ELMO1: variants seen among roughly 807,000 people sequenced by gnomAD.
ELMO1 encodes engulfment and cell motility protein 1.
Under a neutral mutation model 98.9 loss-of-function variants are expected in ELMO1, and 26 were observed. The ratio of observed to expected loss-of-function variants is 0.26; its 90% confidence interval spans 0.19 to 0.36. The LOEUF (loss-of-function observed/expected upper bound fraction) is 0.36. ELMO1 is among the 10% of genes least tolerant of loss of function. The probability of loss-of-function intolerance (pLI) is 1.00; values close to 1 mark genes in which losing one functional copy is unlikely to be tolerated. For missense variants in ELMO1, 627 were observed against 935.2 expected, an observed-to-expected ratio of 0.67 and a Z score of 4.30; for synonymous variants, 346 against 346.0, an observed-to-expected ratio of 1.00 and a Z score of 0.00.
At chr7:36,952,962 CTCTTT>C (rs1207399353) in intron 16 of ELMO1, among the ~76,000 whole-genome samples, 2 of 136,994 alleles carry the variant, frequency 1.5e-5, no homozygotes, top group Non-Finnish European at 3.2e-5. Context: ...GAAGTCACTA[CTCTTT>C]TTTTTTTTTT....
chr7:37,043,321 C>T (rs574037812), intron 15 of ELMO1, among the ~76,000 whole-genome samples: 14 of 152,274 alleles, frequency 9.2e-5, no homozygotes, highest in African/African-American at 2.6e-4. Flanking sequence ...GTCCCTGTGC[C>T]CCAAGCATCT....
At chr7:37,144,168 C>T (rs529532748) in intron 13 of ELMO1, among the ~76,000 whole-genome samples, 428 of 28,730 alleles carry the variant, frequency 0.015, 2 homozygotes, top group African/African-American at 0.025. Flanking sequence ...TTTTCAATGA[C>T]GTGCCTAAAT....
intron 15 of ELMO1, among the ~76,000 whole-genome samples, chr7:37,044,017 G>T (rs1294911657): frequency 2.0e-5 from 3 of 152,178 alleles, no homozygotes; most frequent in South Asian, 2.1e-4. Context: ...CAACGAGGAG[G>T]AGGGTGAAGC....
intron 1 of ELMO1, among the ~76,000 whole-genome samples, chr7:37,355,069 C>A (rs114870636): frequency 3.3e-5 from 5 of 152,274 alleles, no homozygotes; most frequent in African/African-American, 9.6e-5. Context: ...CCGCCTCTCA[C>A]GGAATACCAT....
At chr7:37,067,410 C>T (rs1480453005) in intron 15 of ELMO1, among the ~76,000 whole-genome samples, 1 of 152,180 alleles carries the variant, frequency 6.6e-6, no homozygotes, top group African/African-American at 2.4e-5. Flanking sequence ...GTATGTGCAA[C>T]AAAGAGCGAC....
chr7:37,202,091 T>C (rs1792331496), intron 13 of ELMO1, among the ~76,000 whole-genome samples: 1 of 152,250 alleles, frequency 6.6e-6, no homozygotes, highest in Admixed American at 6.5e-5. Context: ...CCCCGGGACC[T>C]CCTGCATTCT....
chr7:37,422,626 CA>C (rs531747954), intron 1 of ELMO1, among the ~76,000 whole-genome samples: 24 of 152,250 alleles, frequency 1.6e-4, no homozygotes, highest in African/African-American at 5.5e-4. Flanking sequence ...AACAGGTCTA[CA>C]AATAGATGAA....
intron 6 of ELMO1, among the ~76,000 whole-genome samples, chr7:37,247,461 T>C (rs925462865): frequency 2.6e-5 from 4 of 152,156 alleles, no homozygotes; most frequent in African/African-American, 9.7e-5. Flanking sequence ...GCAGGTGCCA[T>C]GTGCCCATGT....
chr7:37,081,211 G>A (rs1014307905), intron 15 of ELMO1, among the ~76,000 whole-genome samples: 4 of 152,064 alleles, frequency 2.6e-5, no homozygotes, highest in African/African-American at 9.7e-5. Context: ...CTGTCAATGG[G>A]AGACATACTT....
chr7:37,019,748 T>C (rs1225767574), intron 15 of ELMO1, among the ~76,000 whole-genome samples: 1 of 152,204 alleles, frequency 6.6e-6, no homozygotes. Context: ...AAAAACGAAA[T>C]TGTTTTAATC....
intron 20 of ELMO1, among the ~76,000 whole-genome samples, chr7:36,865,481 C>T (rs1028628387): frequency 5.9e-5 from 9 of 152,178 alleles, no homozygotes; most frequent in Non-Finnish European, 1.3e-4. Flanking sequence ...GCAGCGTAAC[C>T]GGCCAATAGT....
intron 13 of ELMO1, among the ~76,000 whole-genome samples, chr7:37,189,493 G>T (rs1315348238): frequency 6.6e-6 from 1 of 152,154 alleles, no homozygotes; most frequent in African/African-American, 2.4e-5. Flanking sequence ...AAAGACACAG[G>T]GAAGTTTATG....
At chr7:36,989,939 T>C (rs1284491342) in intron 16 of ELMO1, among the ~76,000 whole-genome samples, 1 of 152,184 alleles carries the variant, frequency 6.6e-6, no homozygotes, top group Non-Finnish European at 1.5e-5. Context: ...AATTGCAAGG[T>C]AAACAGATAA....
chr7:37,393,608 A>G (rs375212038), intron 1 of ELMO1, among the ~76,000 whole-genome samples: 2 of 152,010 alleles, frequency 1.3e-5, no homozygotes, highest in Non-Finnish European at 2.9e-5. Context: ...TTGTTCCTCA[A>G]TTTGGGTTTG....
intron 1 of ELMO1, among the ~76,000 whole-genome samples, chr7:37,418,149 T>G (rs761058857): frequency 6.6e-6 from 1 of 152,212 alleles, no homozygotes; most frequent in Non-Finnish European, 1.5e-5. Context: ...TACTCTTTCC[T>G]GCCTCCATTT....
At chr7:37,378,606 C>T (rs929756861) in intron 1 of ELMO1, among the ~76,000 whole-genome samples, 8 of 150,992 alleles carry the variant, frequency 5.3e-5, no homozygotes, top group Non-Finnish European at 1.2e-4. Flanking sequence ...AAAAAAAAAA[C>T]TAATATTTAC....
At chr7:37,388,632 A>G (rs1802922219) in intron 1 of ELMO1, among the ~76,000 whole-genome samples, 1 of 151,746 alleles carries the variant, frequency 6.6e-6, no homozygotes, top group African/African-American at 2.4e-5. Flanking sequence ...GCAAAAAAAA[A>G]AAAAACACAC....
At chr7:36,873,683 G>A (rs73689662) in intron 19 of ELMO1, among the ~76,000 whole-genome samples, 5,534 of 152,314 alleles carry the variant, frequency 0.036, 166 homozygotes, top group South Asian at 0.14. Flanking sequence ...TTCTCCCTTT[G>A]TAAGGGGCCA....
intron 15 of ELMO1, among the ~76,000 whole-genome samples, chr7:37,083,431 A>G (rs1783583695): frequency 6.6e-6 from 1 of 152,236 alleles, no homozygotes; most frequent in Non-Finnish European, 1.5e-5. Context: ...CAAAGAAACC[A>G]GCAGATTTCC....
Sources: allele counts gnomAD v4.1 joint callset (sites outside exome capture counted in the v4.1 genomes callset), GRCh38; gene constraint gnomAD v4.1.1; transcripts MANE v1.5; gene names NCBI Gene and HGNC (gene_info 2026-07-23, HGNC 2026-07-21).